NAV2: variants seen among roughly 807,000 people sequenced by gnomAD.
The protein encoded by NAV2 is helicase, APC down-regulated 1.
A neutral mutation model predicts 223.2 loss-of-function variants in NAV2; 54 were observed. The observed-to-expected ratio is 0.24, with a 90% CI of 0.19 to 0.30. NAV2 has a LOEUF of 0.30. NAV2 is among the 10% of genes least tolerant of loss of function. The pLI, the probability that NAV2 is intolerant of heterozygous loss-of-function variation, is 1.00. For synonymous variants in NAV2, 1,279 were observed against 1,239.3 expected (o/e 1.03, Z -0.67); for missense variants, 2,806 against 3,147.5 (o/e 0.89, Z 2.60).
chr11:19,678,218 AG>A (rs1208097150), intron 1 of NAV2, among the ~76,000 whole-genome samples: 2 of 152,222 alleles, frequency 1.3e-5, no homozygotes, highest in Non-Finnish European at 2.9e-5. Context: ...ATTGTGTGCC[AG>A]GTTCTGTTCT....
At chr11:19,408,590 A>G (rs544883297) in intron 1 of NAV2, among the ~76,000 whole-genome samples, 5 of 152,266 alleles carry the variant, frequency 3.3e-5, no homozygotes, top group Non-Finnish European at 5.9e-5. Context: ...ACTGCAATAT[A>G]CTTACGCCTG....
At chr11:19,659,953 CTATTATTATTAT>C (rs144868564) in intron 1 of NAV2, among the ~76,000 whole-genome samples, 4 of 150,938 alleles carry the variant, frequency 2.7e-5, no homozygotes, top group African/African-American at 9.8e-5. Flanking sequence ...CACAAAAGAA[CTATTATTATTAT>C]TATTATTATT....
At chr11:19,952,984 G>C (rs1188130987) in intron 10 of NAV2, among the ~76,000 whole-genome samples, 1 of 152,196 alleles carries the variant, frequency 6.6e-6, no homozygotes, top group Admixed American at 6.5e-5. Context: ...ATTGGCTGTA[G>C]TGGGGAGGAA....
chr11:19,877,762 G>T (rs527786851), intron 4 of NAV2, among the ~76,000 whole-genome samples: 7 of 152,036 alleles, frequency 4.6e-5, no homozygotes, highest in African/African-American at 1.7e-4. Flanking sequence ...GTGAGCCACC[G>T]TGCCTGGCCG....
In NAV2 at chr11:20,095,904, A is replaced by T. The variant is rs1178373759; in HGVS notation, c.6012+137A>T. On this transcript the variant is annotated intron_variant, in intron 30 of 37. Transcript: ENST00000349880. ...CTTCCCTACATGTTAATGTTGCTGG[A>T]ACTTGTTCCCTGGCTCTCAAGGGAA... 1.4e-5 allele frequency: 10 copies of T among 706,218 alleles called. No individual in the cohort carries two copies. The African/African-American group carries it at 1.8e-4, about 12-fold the overall frequency. 43.7% of individuals were successfully genotyped at this position (706,218 alleles called of 1,614,324 possible).
chr11:19,680,437 C>T (rs945318948), intron 1 of NAV2, among the ~76,000 whole-genome samples: 1 of 152,138 alleles, frequency 6.6e-6, no homozygotes, highest in Admixed American at 6.5e-5. Context: ...CCCCTCCTCT[C>T]CAGTTTTTAA....
intron 1 of NAV2, among the ~76,000 whole-genome samples, chr11:19,742,107 A>T (rs1024607665): frequency 6.6e-6 from 1 of 152,070 alleles, no homozygotes; most frequent in Admixed American, 6.5e-5. Context: ...ATGATTAGTG[A>T]TGTTGAGCAC....
intron 1 of NAV2, among the ~76,000 whole-genome samples, chr11:19,635,131 G>A (rs2047455750): frequency 6.6e-6 from 1 of 152,166 alleles, no homozygotes; most frequent in Admixed American, 6.5e-5. Context: ...TCCCCAGGAG[G>A]AAACGGAAAT....
intron 1 of NAV2, among the ~76,000 whole-genome samples, chr11:19,828,779 G>A (rs890169557): frequency 6.6e-6 from 1 of 152,188 alleles, no homozygotes; most frequent in African/African-American, 2.4e-5. Context: ...TTTTGAACGG[G>A]TAATTAGATT....
At chr11:19,989,239 A>G (rs2153461776) in intron 11 of NAV2, among the ~76,000 whole-genome samples, 1 of 152,308 alleles carries the variant, frequency 6.6e-6, no homozygotes, top group Admixed American at 6.5e-5. Flanking sequence ...GGTCCAACAT[A>G]ATCACAAGGT....
At chr11:19,456,839 T>C (rs1851975647) in intron 1 of NAV2, among the ~76,000 whole-genome samples, 1 of 152,078 alleles carries the variant, frequency 6.6e-6, no homozygotes, top group South Asian at 2.1e-4. Context: ...AGGACTAGAC[T>C]CTCCTGGACA....
intron 1 of NAV2, among the ~76,000 whole-genome samples, chr11:19,369,285 G>A (rs922095284): frequency 6.6e-6 from 1 of 152,156 alleles, no homozygotes; most frequent in Non-Finnish European, 1.5e-5. Flanking sequence ...ACTTTGCATA[G>A]CACATTGGAA....
At chr11:19,929,876 C>T (rs2045157525) in intron 6 of NAV2, among the ~76,000 whole-genome samples, 1 of 152,188 alleles carries the variant, frequency 6.6e-6, no homozygotes, top group Non-Finnish European at 1.5e-5. Flanking sequence ...TGACCTATAG[C>T]AGAAGCACCA....
At chr11:19,564,654 T>TC (rs1565054184) in intron 1 of NAV2, among the ~76,000 whole-genome samples, 4 of 152,164 alleles carry the variant, frequency 2.6e-5, no homozygotes, top group African/African-American at 9.6e-5. Flanking sequence ...ACCTGCCCTC[T>TC]AGTTCCCTTC....
At chr11:19,936,179 C>T (rs777903926) in intron 7 of NAV2, among the ~76,000 whole-genome samples, 1 of 151,940 alleles carries the variant, frequency 6.6e-6, no homozygotes, top group South Asian at 2.1e-4. Flanking sequence ...ATGAACTGTT[C>T]TCTGAAGTGT....
chr11:19,751,599 A>G (rs58352665), intron 1 of NAV2, among the ~76,000 whole-genome samples: 5,222 of 152,184 alleles, frequency 0.034, 292 homozygotes, highest in African/African-American at 0.11. Flanking sequence ...GATAAACACG[A>G]GCTTGCTCCT....
At chr11:20,033,407 G>A (rs1055911423) in intron 11 of NAV2, among the ~76,000 whole-genome samples, 5 of 152,196 alleles carry the variant, frequency 3.3e-5, no homozygotes, top group African/African-American at 1.2e-4. Context: ...AGAAATGTGT[G>A]ACACTATGTA....
intron 1 of NAV2, among the ~76,000 whole-genome samples, chr11:19,358,882 G>A (rs1853772879): frequency 6.6e-6 from 1 of 152,190 alleles, no homozygotes; most frequent in African/African-American, 2.4e-5. Context: ...AAGCTAAAAA[G>A]TAGGATAAAT....
intron 11 of NAV2, among the ~76,000 whole-genome samples, chr11:20,012,875 TG>T (rs2053686610): frequency 6.6e-6 from 1 of 152,174 alleles, no homozygotes; most frequent in African/African-American, 2.4e-5. Flanking sequence ...ATCAGAAGCC[TG>T]GGGGCTTACC....
Sources: allele counts gnomAD v4.1 joint callset (sites outside exome capture counted in the v4.1 genomes callset), GRCh38; gene constraint gnomAD v4.1.1; transcripts MANE v1.5; gene names NCBI Gene and HGNC (gene_info 2026-07-23, HGNC 2026-07-21).